The following SHC1 variants were observed in gnomAD, a reference collection of about 807,000 sequenced individuals.
SHC1 encodes SHC adaptor protein 1.
SHC1 carries 30 observed loss-of-function variants against 55.9 expected under a neutral mutation model. That is an observed-to-expected ratio of 0.54 (90% confidence interval 0.40 to 0.73). The LOEUF (loss-of-function observed/expected upper bound fraction) is 0.73, where lower values mean the gene tolerates loss of function less well. Among genes scored for constraint, SHC1 ranks in the 30% least tolerant of loss-of-function variants. SHC1 has a pLI of 0.00. For missense variants in SHC1, 675 were observed against 777.1 expected (o/e 0.87, Z 1.56); for synonymous variants, 309 against 306.1 (o/e 1.01, Z -0.10).
At chr1:154,970,774 A>T, upstream of SHC1, 1 of 403,088 alleles carries the variant, frequency 2.5e-6, no homozygotes, top group Non-Finnish European at 4.4e-6. This position sits in a 1 kb window ranked among gnomAD's most constrained non-coding sequence, Gnocchi z 5.5. Context: ...GGCTGGACCC[A>T]GCGCTTCTGG....
At chr1:154,964,017 C>A (rs1322827286) in intron 11 of SHC1, 86 bp from the exon 12 acceptor site, 4 of 1,457,934 alleles carry the variant, frequency 2.7e-6, no homozygotes, top group Non-Finnish European at 3.8e-6. Flanking sequence ...GTGAAACAGA[C>A]AAGAGGCTTG....
chr1:154,965,452 T>C (rs1188503123), intron 11 of SHC1, 91 bp downstream of exon 11: 6 of 1,613,232 alleles, frequency 3.7e-6, no homozygotes, highest in Non-Finnish European at 5.1e-6. Context: ...CGGGAATGTC[T>C]ACAAAGCAAT....
intron 11 of SHC1, among the ~76,000 whole-genome samples, chr1:154,964,568 C>G (rs1655707022): frequency 1.3e-5 from 2 of 152,166 alleles, no homozygotes; most frequent in Non-Finnish European, 1.5e-5. Context: ...ACTGTAACCT[C>G]GAACTCCTGG....
At chr1:154,970,800 G>C (rs545295079), upstream of SHC1, 159 of 343,410 alleles carry the variant, frequency 4.6e-4, no homozygotes, top group African/African-American at 3.3e-3. The surrounding 1 kb of genome is among the most constrained non-coding windows in gnomAD (Gnocchi z 5.5). Flanking sequence ...CCCCAGGGGC[G>C]GGGAGCTAAG....
intron 5 of SHC1, 30 bp downstream of exon 5, chr1:154,968,174 C>T (rs967585687): frequency 1.9e-6 from 3 of 1,610,732 alleles, no homozygotes; most frequent in Non-Finnish European, 2.5e-6. Context: ...TGCTCTTCTC[C>T]CACCGCCTTT....
chr1:154,970,766 C>G (rs1008371858), upstream of SHC1: 1 of 427,280 alleles, frequency 2.3e-6, no homozygotes, highest in Non-Finnish European at 4.2e-6. The surrounding 1 kb of genome is among the most constrained non-coding windows in gnomAD (Gnocchi z 5.5). Context: ...AGAGAACAGG[C>G]TGGACCCAGC....
upstream of SHC1, among the ~76,000 whole-genome samples, chr1:154,971,667 C>T: frequency 6.6e-6 from 1 of 152,342 alleles, no homozygotes; most frequent in East Asian, 1.9e-4. Context: ...GCACAGCATC[C>T]TTCACACCAG....
chr1:154,971,234 A>T (rs1250514841), upstream of SHC1, among the ~76,000 whole-genome samples: 5 of 152,056 alleles, frequency 3.3e-5, no homozygotes, highest in Non-Finnish European at 7.4e-5. Flanking sequence ...GGCCACCCCC[A>T]ACCGCTACCC....
rs777523473 is a variant in SHC1 at position 154,965,768 on chromosome 1, A to T, written c.1401T>A (p.Asp467Glu). 3.0e-5 allele frequency: 48 copies of T among 1,612,918 alleles called. No individual in the cohort carries two copies. Among genetic ancestry groups the T allele is most frequent in the Non-Finnish European group, 3.8e-5 (45 of 1,179,114 alleles). Residue 467 changes from aspartate (D) to glutamate (E), a missense_variant, in exon 11 of 12, where the codon GAT (aspartate) becomes GAA (glutamate). By Grantham distance (45) the Asp-to-Glu change is conservative. This residue lies in a region of SHC1 where 360 missense variants were observed against 371.1 expected (regional missense o/e 0.97). Transcript: ENST00000448116. ...GGGGAGGTGGAGGCACGCGAAGAGC[A>T]TCTTCGAAGGGCTCTGGAAGTATAG... The part of the protein sequence containing the change: ...RDLFDMKPFE[D>E]ALRVPPPPQS...
At chr1:154,972,500 G>A (rs1656841982), upstream of SHC1, among the ~76,000 whole-genome samples, 1 of 152,072 alleles carries the variant, frequency 6.6e-6, no homozygotes, top group Admixed American at 6.6e-5. Context: ...AGAGAATGAG[G>A]AAAGGATTCC....
intron 11 of SHC1, among the ~76,000 whole-genome samples, chr1:154,964,533 G>A (rs185149511): frequency 6.0e-4 from 91 of 152,314 alleles, no homozygotes; most frequent in Admixed American, 7.2e-4. Context: ...ACCCAGGCTA[G>A]AGTACAGTGG....
chr1:154,967,058 G>A (rs964910125), intron 7 of SHC1, among the ~76,000 whole-genome samples: 2 of 152,032 alleles, frequency 1.3e-5, no homozygotes, highest in African/African-American at 4.8e-5. Context: ...ACAGTGAGCT[G>A]TGATTGTACC....
chr1:154,965,373 G>T, intron 11 of SHC1, 170 bp downstream of exon 11: 3 of 1,599,144 alleles, frequency 1.9e-6, no homozygotes, highest in Non-Finnish European at 2.6e-6. Context: ...TTCAGGCTAA[G>T]GGATGAGCCT....
chr1:154,970,220 C>T lies in SHC1; in HGVS notation c.307G>A (p.Gly103Ser), dbSNP rs1268832462. The T allele has an allele frequency of 1.9e-6, 3 of 1,613,518 alleles. No homozygotes were observed. Among genetic ancestry groups the T allele is most frequent in the Non-Finnish European group, 2.5e-6 (3 of 1,179,842 alleles). The change falls in exon 1 of 12, where the codon GGC becomes AGC. Residue 103 changes from glycine to serine, a missense_variant. Physicochemically the swap from Gly to Ser is moderately conservative, Grantham distance 56. Around this residue, in one of 3 missense-constraint regions of SHC1, gnomAD observed 156 missense variants for 159.1 expected, o/e 0.98. Transcript: ENST00000448116. This position sits in a 1 kb window ranked among gnomAD's most constrained non-coding sequence, Gnocchi z 5.5. ...GIVGAAMPDS[G>S]PLPLLQDMNK... ...ATGTCCTGGAGGAGGGGTAGGGGGC[C>T]TGAGTCTGGCATGGCTGCCCCTACG... is the stretch of plus-strand genomic sequence containing the variant.
intron 11 of SHC1, among the ~76,000 whole-genome samples, chr1:154,964,914 G>A (rs1655745936): frequency 1.3e-5 from 2 of 152,154 alleles, no homozygotes; most frequent in African/African-American, 4.8e-5. Context: ...TCTGACATTG[G>A]GCATCACAAC....
upstream of SHC1, chr1:154,973,557 C>T (rs1656955978): frequency 2.0e-5 from 3 of 149,336 alleles, no homozygotes; most frequent in South Asian, 6.4e-4. Flanking sequence ...AAACGGAAAA[C>T]GGCTGCCTTT....
chr1:154,968,636 C>T, intron 3 of SHC1, 22 bp from the exon 4 acceptor site: 1 of 1,613,988 alleles, frequency 6.2e-7, no homozygotes, highest in Non-Finnish European at 8.5e-7. Context: ...CCCAGGGTCT[C>T]AGAAGGTGAG....
At chr1:154,964,028 A>C (rs1304947050) in intron 11 of SHC1, 97 bp from the exon 12 acceptor site, 14 of 1,323,476 alleles carry the variant, frequency 1.1e-5, no homozygotes, top group Admixed American at 1.7e-5. Context: ...AAGAGGCTTG[A>C]AGGAGGAGAA....
chr1:154,968,046 C>A lies in SHC1; in HGVS notation c.805-15G>T, dbSNP rs753437194. 1 of 1,614,042 alleles carries A rather than the reference C, an allele frequency of 6.2e-7. No homozygotes were observed. Among genetic ancestry groups the A allele is most frequent in the Non-Finnish European group, 8.5e-7 (1 of 1,179,956 alleles). On this transcript the variant is annotated splice_polypyrimidine_tract_variant and intron_variant, in intron 5 of 11. Coordinates refer to ENST00000448116, the MANE Select transcript of SHC1 (RefSeq NM_001130040.2). Reference sequence around the variant, plus strand: ...TCGGCTGTGTCCTGGGGAGGAAGGTCAAAAAATTTTACAGTTCTACTTTAC... The same window carrying A: ...TCGGCTGTGTCCTGGGGAGGAAGGTAAAAAAATTTTACAGTTCTACTTTAC...
Sources: gnomAD v4.1 joint callset for allele counts (sites outside exome capture counted in the v4.1 genomes callset) on GRCh38, gnomAD v4.1.1 for gene constraint, gnomAD v4.1.1 regional missense constraint, Gnocchi (gnomAD v3.1) non-coding constraint, MANE v1.5 for transcripts, NCBI Gene and HGNC (gene_info 2026-07-23, HGNC 2026-07-21) for gene names.